The following TSHZ3 variants were observed in gnomAD, a reference collection of about 807,000 sequenced individuals.
TSHZ3 encodes teashirt homolog 3.
A neutral mutation model predicts 64.5 loss-of-function variants in TSHZ3; 10 were observed. The observed-to-expected ratio is 0.16, with a 90% confidence interval of 0.10 to 0.26. The LOEUF is 0.26. Among genes scored for constraint, TSHZ3 ranks in the 10% least tolerant of loss-of-function variants. The pLI, the probability that TSHZ3 is intolerant of heterozygous loss-of-function variation, is 1.00. For missense variants in TSHZ3, 1,242 were observed against 1,421.7 expected (o/e 0.87, Z 2.03); for synonymous variants, 608 against 593.1 (o/e 1.03, Z -0.36).
chr19:31,204,107 A>T (rs188292542), intron 5 of TSHZ3, among the ~76,000 whole-genome samples: 1 of 152,246 alleles, frequency 6.6e-6, no homozygotes, highest in East Asian at 1.9e-4. Context: ...CAAGAAAAGC[A>T]TGGGGGAAAC....
At chr19:31,258,399 G>T (rs1171672638) in intron 1 of TSHZ3, among the ~76,000 whole-genome samples, 2 of 152,148 alleles carry the variant, frequency 1.3e-5, no homozygotes, top group Non-Finnish European at 2.9e-5. Context: ...TGTCTTGATG[G>T]CCAGGAGAGG....
chr19:31,296,327 A>ATTTT (rs35057697), intron 1 of TSHZ3, among the ~76,000 whole-genome samples: 5 of 94,020 alleles, frequency 5.3e-5, no homozygotes, highest in African/African-American at 9.3e-5. Context: ...AGTGCTGTGA[A>ATTTT]TTTTTTTTTT....
At chr19:31,162,117 T>A (rs1974381037) in intron 5 of TSHZ3, among the ~76,000 whole-genome samples, 2 of 152,160 alleles carry the variant, frequency 1.3e-5, no homozygotes, top group Admixed American at 6.5e-5. Context: ...GATTTGAAGC[T>A]TCGTTATTTG....
intron 4 of TSHZ3, among the ~76,000 whole-genome samples, chr19:31,210,566 G>T (rs1975249672): frequency 6.6e-6 from 1 of 152,142 alleles, no homozygotes; most frequent in African/African-American, 2.4e-5. Flanking sequence ...GTGTCTAGGG[G>T]TTAACACTTC....
At chr19:31,187,965 A>T (rs1974839303) in intron 5 of TSHZ3, among the ~76,000 whole-genome samples, 1 of 152,082 alleles carries the variant, frequency 6.6e-6, no homozygotes, top group African/African-American at 2.4e-5. Context: ...GTCTGCTGGA[A>T]TTTCTATTTG....
At chr19:31,171,302 A>G (rs7249182) in intron 5 of TSHZ3, among the ~76,000 whole-genome samples, 110,007 of 151,974 alleles carry the variant, frequency 0.72, 40,119 homozygotes, top group African/African-American at 0.77. Context: ...ACAGAAAGAC[A>G]ATCACTGAGA....
intron 1 of TSHZ3, among the ~76,000 whole-genome samples, chr19:31,280,098 G>T (rs929631808): frequency 3.3e-5 from 5 of 152,216 alleles, no homozygotes; most frequent in South Asian, 2.1e-4. Context: ...TAAATTACTT[G>T]TATCAACCTC....
Position 31,276,017 on chromosome 19 carries a change from C to G in TSHZ3, c.*530G>C, listed in dbSNP as rs1367679459. On this transcript the variant is annotated 3_prime_UTR_variant, in exon 2 of 2. Transcript: ENST00000240587. ...TTTTAAATTTCAAGGCGTGTTATAC[C>G]CCTGCAGACCTGCATAAATGGAGGT... The G allele has an allele frequency of 6.6e-6, 1 of 152,316 alleles. No individual in the cohort carries two copies. Among genetic ancestry groups the G allele is most frequent in the Non-Finnish European group, 1.5e-5 (1 of 68,014 alleles). The allele number at this position is 152,316 out of a possible 1,614,324, so 9.4% of individuals were successfully genotyped here. A position where few individuals can be genotyped will look rare whatever the true frequency, so the allele number is the denominator to read the frequency against.
At chr19:31,303,920 C>A (rs1233537022) in intron 1 of TSHZ3, among the ~76,000 whole-genome samples, 3 of 152,118 alleles carry the variant, frequency 2.0e-5, no homozygotes, top group African/African-American at 7.2e-5. Flanking sequence ...GCCTTCCCAG[C>A]ACTAACCCAC....
At chr19:31,243,579 C>T (rs973141945) in intron 1 of TSHZ3, among the ~76,000 whole-genome samples, 21 of 152,086 alleles carry the variant, frequency 1.4e-4, no homozygotes, top group African/African-American at 3.4e-4. Flanking sequence ...ACCGCCCTGC[C>T]GCCTGCATAT....
downstream of TSHZ3, among the ~76,000 whole-genome samples, chr19:31,149,889 T>C (rs1379524764): frequency 6.6e-6 from 1 of 152,086 alleles, no homozygotes; most frequent in Non-Finnish European, 1.5e-5. Context: ...AACTTAATCA[T>C]AGAGGGTCAT....
chr19:31,188,143 A>G (rs922197206), intron 5 of TSHZ3, among the ~76,000 whole-genome samples: 5 of 151,282 alleles, frequency 3.3e-5, no homozygotes, highest in Admixed American at 3.3e-4. Flanking sequence ...AAGTATTTTT[A>G]TTTTATTTTA....
chr19:31,201,312 A>G (rs1034902987), intron 5 of TSHZ3, among the ~76,000 whole-genome samples: 2 of 152,236 alleles, frequency 1.3e-5, no homozygotes, highest in Admixed American at 6.5e-5. Flanking sequence ...AAAAATATCA[A>G]TCTCTTCGTG....
chr19:31,284,845 A>C (rs889965959), intron 1 of TSHZ3, among the ~76,000 whole-genome samples: 1 of 152,312 alleles, frequency 6.6e-6, no homozygotes, highest in Middle Eastern at 3.4e-3. Flanking sequence ...CAGAGTGGCC[A>C]CTCAATACAT....
Position 31,242,290 on chromosome 19 carries a change from T to C in TSHZ3, n.529A>G, listed in dbSNP as rs560571569. ...TCACATGATTATGGAGGCTGAGAAG[T>C]CCTACAACAGGCCATATGCAAGCTG... On this transcript the variant is annotated non_coding_transcript_exon_variant, in exon 3 of 7. Transcript: ENST00000651361. Among the ~76,000 whole-genome samples the C allele has an allele frequency of 2.0e-5, 3 of 152,240 alleles. No individual in the cohort carries two copies. The East Asian group carries it at 5.8e-4, about 29-fold the overall frequency.
rs751264348 is a variant in TSHZ3, at chr19:31,191,505, A to C, written n.809+13451T>G. 3.4e-4 allele frequency among the ~76,000 whole-genome samples: 51 copies of C among 152,236 alleles called. 1 individual carries two copies. The highest frequency in any genetic ancestry group is 5.3e-4 in the Non-Finnish European group (36 of 68,040). ...TCATCAGGCTTCCCTTTTGCCCCCA[A>C]AGTAATTGGCTGAAGGGAAATAACA... On this transcript the variant is annotated intron_variant and non_coding_transcript_variant, in intron 5 of 6. Coordinates refer to the TSHZ3 transcript ENST00000651361.
chr19:31,278,560 G>A lies in TSHZ3; in HGVS notation c.1233C>T (p.Phe411=). The change falls in exon 2 of 2, where the codon TTC becomes TTT. Residue 411 remains phenylalanine, a synonymous_variant. Coordinates refer to ENST00000240587, the MANE Select transcript of TSHZ3 (RefSeq NM_020856.4). The surrounding 1 kb of genome is among the most constrained non-coding windows in gnomAD (Gnocchi z 4.7). ...TCATAGCAGAGTTGGTGACCTTGAT[G>A]AAGTGGCCAGTGACCATCATGTGGG... ...LTAHMMVTGH[F]IKVTNSAMKK... The A allele has an allele frequency of 6.2e-7, 1 of 1,614,188 alleles. No individual in the cohort carries two copies. The highest frequency in any genetic ancestry group is 8.5e-7 in the Non-Finnish European group (1 of 1,180,040).
chr19:31,194,710 A>C (rs1282892095), intron 5 of TSHZ3, among the ~76,000 whole-genome samples: 1 of 152,238 alleles, frequency 6.6e-6, no homozygotes, highest in Non-Finnish European at 1.5e-5. Context: ...AAAGCAAAAC[A>C]GTGCAGATTG....
chr19:31,318,125 C>T (rs1452977490), intron 1 of TSHZ3, among the ~76,000 whole-genome samples: 1 of 152,200 alleles, frequency 6.6e-6, no homozygotes, highest in Non-Finnish European at 1.5e-5. Context: ...ACATATTTAT[C>T]TGCAAAATGT....
Sources: gnomAD v4.1 joint callset for allele counts (sites outside exome capture counted in the v4.1 genomes callset) on GRCh38, gnomAD v4.1.1 for gene constraint, Gnocchi (gnomAD v3.1) non-coding constraint, MANE v1.5 for transcripts, NCBI Gene and HGNC (gene_info 2026-07-23, HGNC 2026-07-21) for gene names.